GALNT14: variants seen among roughly 807,000 people sequenced by gnomAD.
The protein encoded by GALNT14 is polypeptide N-acetylgalactosaminyltransferase 14.
In GALNT14, 60 loss-of-function variants were observed where a neutral mutation model predicts 77.5. The ratio of observed to expected loss-of-function variants is 0.77; its 90% CI spans 0.63 to 0.96. The LOEUF is 0.96. Among genes scored for constraint, GALNT14 ranks in the 40% least tolerant of loss-of-function variants. The pLI is 0.00. For missense variants in GALNT14, 710 were observed against 731.0 expected (o/e 0.97, Z 0.33); for synonymous variants, 280 against 281.7 (o/e 0.99, Z 0.06).
At chr2:30,920,476 G>A (rs925641163) in intron 13 of GALNT14, among the ~76,000 whole-genome samples, 1 of 152,120 alleles carries the variant, frequency 6.6e-6, no homozygotes, top group Non-Finnish European at 1.5e-5. Context: ...GAGGTGATGG[G>A]GGCAAAGCAG....
At chr2:31,069,113 T>A (rs1007908357) in intron 1 of GALNT14, among the ~76,000 whole-genome samples, 1 of 152,226 alleles carries the variant, frequency 6.6e-6, no homozygotes, top group Non-Finnish European at 1.5e-5. Context: ...ACTAAAACCA[T>A]TGATCTTTAC....
intron 1 of GALNT14, among the ~76,000 whole-genome samples, chr2:31,069,644 A>T (rs372166888): frequency 5.8e-4 from 88 of 152,248 alleles, no homozygotes; most frequent in African/African-American, 2.1e-3. Flanking sequence ...CATTTATGGC[A>T]ACTCAGGATC....
At chr2:31,055,203 T>C (rs948607915) in intron 1 of GALNT14, among the ~76,000 whole-genome samples, 3 of 152,212 alleles carry the variant, frequency 2.0e-5, no homozygotes, top group African/African-American at 7.2e-5. Flanking sequence ...AAATGGATCA[T>C]CCATTTAATG....
chr2:31,118,172 G>T (rs1240406323), intron 1 of GALNT14, among the ~76,000 whole-genome samples: 1 of 152,184 alleles, frequency 6.6e-6, no homozygotes, highest in Non-Finnish European at 1.5e-5. Flanking sequence ...GAAGTCAATA[G>T]AACTAGATAA....
At chr2:31,018,113 A>G (rs911842096) in intron 1 of GALNT14, among the ~76,000 whole-genome samples, 1 of 152,242 alleles carries the variant, frequency 6.6e-6, no homozygotes, top group African/African-American at 2.4e-5. Context: ...TAAGCAGAAG[A>G]AATCCTTGGA....
intron 2 of GALNT14, among the ~76,000 whole-genome samples, chr2:30,981,467 T>C (rs4952015): frequency 0.75 from 114,722 of 152,204 alleles, 44,131 homozygotes; most frequent in African/African-American, 0.91. Context: ...ACATGTCAAA[T>C]CAGCCTACAT....
At chr2:31,109,445 A>C (rs1179563882) in intron 1 of GALNT14, among the ~76,000 whole-genome samples, 2 of 152,228 alleles carry the variant, frequency 1.3e-5, no homozygotes, top group Non-Finnish European at 2.9e-5. Flanking sequence ...ACTTTTAGAA[A>C]ACTAAAGACA....
At chr2:31,016,733 TCTC>T (rs1671389890) in intron 1 of GALNT14, among the ~76,000 whole-genome samples, 1 of 152,032 alleles carries the variant, frequency 6.6e-6, no homozygotes, top group Non-Finnish European at 1.5e-5. Flanking sequence ...CAGGTTGAAA[TCTC>T]CTACTATGAG....
chr2:30,945,692 T>C (rs917623208), intron 7 of GALNT14, 91 bp downstream of exon 7: 1 of 1,055,136 alleles, frequency 9.5e-7, no homozygotes, highest in Non-Finnish European at 1.5e-6. Context: ...GACAAGCAAC[T>C]AAGAGCTTTT....
intron 2 of GALNT14, among the ~76,000 whole-genome samples, chr2:30,986,403 G>T (rs180818079): frequency 2.6e-5 from 4 of 152,298 alleles, no homozygotes; most frequent in Admixed American, 2.6e-4. Flanking sequence ...CTGGAGGGGT[G>T]TGTCTCTATT....
At chr2:30,950,600 GGTCATTAAAGGA>G (rs1009012490) in intron 6 of GALNT14, among the ~76,000 whole-genome samples, 1 of 152,186 alleles carries the variant, frequency 6.6e-6, no homozygotes, top group African/African-American at 2.4e-5. Context: ...AACTGTTCCA[GGTCATTAAAGGA>G]GTCAGAGTCT....
intron 1 of GALNT14, among the ~76,000 whole-genome samples, chr2:31,082,049 G>C (rs1281340753): frequency 1.3e-5 from 2 of 152,166 alleles, no homozygotes; most frequent in Non-Finnish European, 2.9e-5. Context: ...GGGAGCAGAG[G>C]CTCCTACAAA....
In GALNT14 at chr2:31,105,918, T is replaced by A. The variant is rs184752457; in HGVS notation, c.129+32040A>T. Reference sequence around the variant, plus strand: ...CCTTCCTTCTTTCCATGTTTAGAAATCCCCTTTCAAACAGTAAAAAACACG... The same window carrying A: ...CCTTCCTTCTTTCCATGTTTAGAAAACCCCTTTCAAACAGTAAAAAACACG... On this transcript the variant is annotated intron_variant, in intron 1 of 14. Coordinates refer to ENST00000349752, the MANE Select transcript of GALNT14 (RefSeq NM_024572.4). Among the ~76,000 whole-genome samples, 24 of 152,220 alleles carry A rather than the reference T, an allele frequency of 1.6e-4. No individual in the cohort carries two copies. The East Asian group carries it at 4.4e-3, about 28-fold the overall frequency.
At chr2:30,906,587 T>C (rs1404394640), downstream of GALNT14, among the ~76,000 whole-genome samples, 42 of 150,806 alleles carry the variant, frequency 2.8e-4, no homozygotes, top group African/African-American at 1.0e-3. Context: ...CAAAGAGACT[T>C]AGACTCCCAC....
chr2:31,035,274 C>G (rs1303952991), intron 1 of GALNT14, among the ~76,000 whole-genome samples: 2 of 152,036 alleles, frequency 1.3e-5, no homozygotes, highest in Non-Finnish European at 2.9e-5. Context: ...ATTTTGGGCT[C>G]TGCCATTAGA....
intron 1 of GALNT14, among the ~76,000 whole-genome samples, chr2:31,121,721 T>C (rs982375268): frequency 6.6e-6 from 1 of 152,120 alleles, no homozygotes; most frequent in Admixed American, 6.5e-5. Context: ...TACAGGAAGA[T>C]CTCCTAGATT....
chr2:31,040,445 C>T (rs1212243937), intron 1 of GALNT14, among the ~76,000 whole-genome samples: 1 of 152,052 alleles, frequency 6.6e-6, no homozygotes, highest in African/African-American at 2.4e-5. Flanking sequence ...GAGAAGGGTC[C>T]CTGAGGCTGA....
chr2:31,051,361 C>T (rs972450804), intron 1 of GALNT14, among the ~76,000 whole-genome samples: 1 of 152,176 alleles, frequency 6.6e-6, no homozygotes, highest in Non-Finnish European at 1.5e-5. Context: ...AAGCAGATTA[C>T]CCTCCATAAT....
intron 1 of GALNT14, among the ~76,000 whole-genome samples, chr2:31,105,344 C>T (rs1217887931): frequency 2.0e-5 from 3 of 152,182 alleles, no homozygotes; most frequent in African/African-American, 7.2e-5. Context: ...TCCTGACTTT[C>T]TGGCAAGACA....
Sources: allele counts gnomAD v4.1 joint callset (sites outside exome capture counted in the v4.1 genomes callset), GRCh38; gene constraint gnomAD v4.1.1; transcripts MANE v1.5; gene names NCBI Gene and HGNC (gene_info 2026-07-23, HGNC 2026-07-21).